Variants in SLC24A2 observed in about 807,000 individuals in gnomAD.
SLC24A2 encodes the protein solute carrier family 24 member 2, also known as sodium/potassium/calcium exchanger 2.
Under a neutral mutation model 62.0 loss-of-function variants are expected in SLC24A2, and 36 were observed. That is an observed-to-expected ratio of 0.58 (90% CI 0.44 to 0.77). The LOEUF (loss-of-function observed/expected upper bound fraction) is 0.77. Among genes scored for constraint, SLC24A2 ranks in the 30% least tolerant of loss-of-function variants. SLC24A2 has a pLI of 0.00. For missense variants in SLC24A2, 846 were observed against 817.9 expected, an observed-to-expected ratio of 1.03 and a Z score of -0.42; for synonymous variants, 358 against 294.0, an observed-to-expected ratio of 1.22 and a Z score of -2.23.
the SLC24A2 span, among the ~76,000 whole-genome samples, chr9:20,236,235 G>T: frequency 6.6e-6 from 1 of 152,160 alleles, no homozygotes; most frequent in Non-Finnish European, 1.5e-5. Context: ...TCCTTAGTTT[G>T]TTTTCTCATC....
intron 5 of SLC24A2, among the ~76,000 whole-genome samples, chr9:19,587,763 TGTCA>T (rs1836418782): frequency 6.6e-6 from 1 of 152,198 alleles, no homozygotes; most frequent in South Asian, 2.1e-4. Context: ...TCTCTAGAGA[TGTCA>T]GTAACACACA....
intron 7 of SLC24A2, among the ~76,000 whole-genome samples, chr9:19,559,945 A>G (rs1222725188): frequency 6.6e-6 from 1 of 152,192 alleles, no homozygotes; most frequent in African/African-American, 2.4e-5. Context: ...TGGGTTGTGG[A>G]TCATTTTGGT....
chr9:19,751,715 C>G (rs979574986), intron 2 of SLC24A2, among the ~76,000 whole-genome samples: 1 of 152,140 alleles, frequency 6.6e-6, no homozygotes, highest in Admixed American at 6.5e-5. Context: ...AGCAGAGTAC[C>G]AGGCTCACCT....
rs1193254735 is a variant in SLC24A2, at chr9:19,509,344, T to C, written c.*6809A>G. 1.3e-5 allele frequency: 2 copies of C among 152,160 alleles called. No homozygotes were observed. The highest frequency in any genetic ancestry group is 6.5e-5 in the Admixed American group (1 of 15,276). The allele number at this position is 152,160 out of a possible 1,614,324, so 9.4% of individuals were successfully genotyped here. On this transcript the variant is annotated 3_prime_UTR_variant, in exon 11 of 11. Transcript: ENST00000341998. ...AAAGCACACATCTAAAATGTATAAG[T>C]AGATTAGGATTGCCTAGAACAATAA...
At chr9:19,777,711 G>A (rs1822885652) in intron 2 of SLC24A2, among the ~76,000 whole-genome samples, 1 of 152,142 alleles carries the variant, frequency 6.6e-6, no homozygotes, top group Non-Finnish European at 1.5e-5. Context: ...GTATATATAT[G>A]TCTATGTACA....
the SLC24A2 span, among the ~76,000 whole-genome samples, chr9:20,201,994 C>T: frequency 6.6e-6 from 1 of 151,710 alleles, no homozygotes; most frequent in Non-Finnish European, 1.5e-5. Context: ...ATTACTTGGC[C>T]TGTAATCTTT....
intron 2 of SLC24A2, among the ~76,000 whole-genome samples, chr9:19,633,483 A>T (rs1381195982): frequency 1.3e-5 from 2 of 152,206 alleles, no homozygotes; most frequent in African/African-American, 4.8e-5. Context: ...TTGAAATTTT[A>T]TTCTTTCTAA....
At chr9:20,188,752 C>G in the SLC24A2 span, among the ~76,000 whole-genome samples, 1 of 152,076 alleles carries the variant, frequency 6.6e-6, no homozygotes, top group South Asian at 2.1e-4. Context: ...CCTCTAGAAA[C>G]TGGAAAAAGC....
At chr9:19,551,147 C>T (rs1834822849) in intron 7 of SLC24A2, among the ~76,000 whole-genome samples, 2 of 152,338 alleles carry the variant, frequency 1.3e-5, no homozygotes, top group African/African-American at 4.8e-5. Flanking sequence ...ACACCCTTCT[C>T]AGGTTGTGAG....
At chr9:20,274,895 C>G in the SLC24A2 span, among the ~76,000 whole-genome samples, 1 of 152,050 alleles carries the variant, frequency 6.6e-6, no homozygotes, top group Non-Finnish European at 1.5e-5. Context: ...GTCACTGTGC[C>G]TCTCCCAGCC....
At chr9:19,792,922 A>G (rs927533611), upstream of SLC24A2, among the ~76,000 whole-genome samples, 2 of 152,234 alleles carry the variant, frequency 1.3e-5, no homozygotes, top group African/African-American at 4.8e-5. Context: ...GCACAAAACC[A>G]GTAGTTCCAA....
chr9:19,874,075 CTTTTT>C, the SLC24A2 span, among the ~76,000 whole-genome samples: 3 of 107,282 alleles, frequency 2.8e-5, no homozygotes, highest in Non-Finnish European at 3.8e-5. Flanking sequence ...CTTTTCTTTT[CTTTTT>C]TTTTTTTTTT....
chr9:19,654,482 A>G (rs1464972125), intron 2 of SLC24A2, among the ~76,000 whole-genome samples: 4 of 152,072 alleles, frequency 2.6e-5, no homozygotes, highest in Non-Finnish European at 5.9e-5. Flanking sequence ...TGCCCATTCG[A>G]TTGCTCCATT....
chr9:20,074,438 T>C, the SLC24A2 span, among the ~76,000 whole-genome samples: 2 of 151,902 alleles, frequency 1.3e-5, no homozygotes, highest in Non-Finnish European at 2.9e-5. Context: ...CAATTTATTA[T>C]CTGTTTCATT....
At chr9:19,862,064 G>A in the SLC24A2 span, among the ~76,000 whole-genome samples, 1 of 152,220 alleles carries the variant, frequency 6.6e-6, no homozygotes, top group South Asian at 2.1e-4. Flanking sequence ...CTCAAATCCA[G>A]AGAAAGATAT....
the SLC24A2 span, among the ~76,000 whole-genome samples, chr9:20,240,168 A>G: frequency 5.9e-5 from 9 of 152,180 alleles, no homozygotes; most frequent in Non-Finnish European, 1.2e-4. Context: ...AGGCAGGGAA[A>G]GAGAGGTGGA....
chr9:19,952,767 T>C, the SLC24A2 span, among the ~76,000 whole-genome samples: 3 of 151,662 alleles, frequency 2.0e-5, no homozygotes, highest in East Asian at 5.8e-4. Context: ...ATAATATTAG[T>C]TGGGAAGTAT....
chr9:19,567,470 C>T lies in SLC24A2; in HGVS notation c.1347+5881G>A, dbSNP rs553601885. The stretch of plus-strand genomic sequence containing the variant: ...CTGAGGCAGGAGAATGGCGTGAACC[C>T]GGGAGGCGGAGCTTGCAGTGAGCCG... On this transcript the variant is annotated intron_variant, in intron 7 of 10. Transcript: ENST00000341998. Among the ~76,000 whole-genome samples the T allele has an allele frequency of 1.7e-4, 24 of 143,936 alleles. No homozygotes were observed. In the South Asian group the frequency reaches 3.7e-3, roughly 22 times the overall value. 94.4% of individuals were successfully genotyped at this position (143,936 alleles called of 152,430 possible). A position where few individuals can be genotyped will look rare whatever the true frequency, so the allele number is the denominator to read the frequency against.
At chr9:19,589,052 T>A (rs967536918) in intron 5 of SLC24A2, among the ~76,000 whole-genome samples, 4 of 152,226 alleles carry the variant, frequency 2.6e-5, no homozygotes, top group African/African-American at 7.2e-5. Flanking sequence ...TTGACAAATA[T>A]CTTTCAAATT....
Sources: gnomAD v4.1 joint callset for allele counts (sites outside exome capture counted in the v4.1 genomes callset) on GRCh38, gnomAD v4.1.1 for gene constraint, MANE v1.5 for transcripts, NCBI Gene and HGNC (gene_info 2026-07-23, HGNC 2026-07-21) for gene names.